Variants in PHEX observed in about 807,000 individuals in gnomAD.
PHEX encodes phosphate-regulating neutral endopeptidase PHEX.
A neutral mutation model predicts 68.0 loss-of-function variants in PHEX; 16 were observed. The ratio of observed to expected loss-of-function variants is 0.24; its 90% confidence interval spans 0.16 to 0.36. The LOEUF (loss-of-function observed/expected upper bound fraction) is 0.36. PHEX is among the 10% of genes least tolerant of loss of function. The probability of loss-of-function intolerance (pLI) is 1.00; values close to 1 mark genes in which losing one functional copy is unlikely to be tolerated. For synonymous variants in PHEX, 208 were observed against 205.1 expected, an observed-to-expected ratio of 1.01 and a Z score of -0.12; for missense variants, 480 against 575.5, an observed-to-expected ratio of 0.83 and a Z score of 1.70.
At chrX:22,052,232 T>C (rs1179497588) in intron 3 of PHEX, among the ~76,000 whole-genome samples, 1 of 112,342 alleles carries the variant, frequency 8.9e-6, no homozygotes, top group Admixed American at 9.5e-5. Context: ...TTAATTTATT[T>C]ACTTATTTAT....
At chrX:22,174,415 C>A (rs1432320619) in intron 13 of PHEX, among the ~76,000 whole-genome samples, 1 of 111,963 alleles carries the variant, frequency 8.9e-6, no homozygotes, top group Non-Finnish European at 1.9e-5. Flanking sequence ...TTCTTTTTCT[C>A]ATCCAAGGGC....
At chrX:22,111,744 A>G (rs1930981211) in intron 10 of PHEX, among the ~76,000 whole-genome samples, 184 bp downstream of exon 10, 1 of 111,963 alleles carries the variant, frequency 8.9e-6, no homozygotes, top group African/African-American at 3.2e-5. Flanking sequence ...TATAAATTAC[A>G]TATGGTAAGG....
In PHEX at chrX:22,210,526, C is replaced by A. The variant is rs57429688; in HGVS notation, c.1646-2378C>A. Among the ~76,000 whole-genome samples the A allele has an allele frequency of 9.1e-3, 1,011 of 111,514 alleles. 48 individuals carry two copies. The East Asian group carries it at 0.2, about 22-fold the overall frequency. On this transcript the variant is annotated intron_variant, in intron 15 of 21. Coordinates refer to ENST00000379374, the MANE Select transcript of PHEX (RefSeq NM_000444.6). ...CTTTTTGATGATTTATTATGTGAAA[C>A]TGAGTTTTCATATAAACACTGTGAT...
Position 22,071,926 on chromosome X carries a change from C to T in PHEX, c.350-4462C>T, listed in dbSNP as rs184027852. 4.2e-3 allele frequency among the ~76,000 whole-genome samples: 433 copies of T among 102,407 alleles called. 8 individuals carry two copies. Among genetic ancestry groups the T allele is most frequent in the Admixed American group, 0.034 (310 of 9,177 alleles). 88.9% of individuals were successfully genotyped at this position (102,407 alleles called of 115,157 possible). On this transcript the variant is annotated intron_variant, in intron 3 of 21. Coordinates refer to ENST00000379374, the MANE Select transcript of PHEX (RefSeq NM_000444.6). ...CAGCCTGACCAACATGGTGAAACCC[C>T]GTCTCTACTAAAAATACAGGCTGGG...
In PHEX at chrX:22,033,029, C is replaced by T. The variant is rs1008897142; in HGVS notation, c.24C>T (p.Ser8=). The T allele has an allele frequency of 8.3e-7, 1 of 1,207,000 alleles. No homozygotes were observed. The highest frequency in any genetic ancestry group is 1.1e-6 in the Non-Finnish European group (1 of 891,937). The part of the protein sequence containing the change: MEAETGS[S]VETGKKANRG... ...TGATGGAAGCAGAAACAGGGAGCAG[C>T]GTGGAGACTGGAAAGAAGGCCAACA... is the stretch of plus-strand genomic sequence containing the variant. Residue 8 remains serine (S), a synonymous_variant, in exon 1 of 22, where the codon AGC becomes AGT. Coordinates refer to ENST00000379374, the MANE Select transcript of PHEX (RefSeq NM_000444.6).
At chrX:22,037,726 G>C (rs1927090530) in intron 1 of PHEX, among the ~76,000 whole-genome samples, 1 of 110,866 alleles carries the variant, frequency 9.0e-6, no homozygotes, top group South Asian at 3.8e-4. Flanking sequence ...GGTGGGCGGA[G>C]AGTTTGTGGG....
chrX:22,215,148 T>C (rs1490985581), intron 16 of PHEX, among the ~76,000 whole-genome samples: 1 of 111,679 alleles, frequency 9.0e-6, no homozygotes, highest in South Asian at 3.7e-4. Flanking sequence ...AATTTGTTTA[T>C]TGGGTCTGTG....
intron 14 of PHEX, among the ~76,000 whole-genome samples, chrX:22,185,058 A>G (rs1933987298): frequency 8.9e-6 from 1 of 111,922 alleles, no homozygotes. Context: ...TAGGTGTACC[A>G]ATGTCTTTTT....
chrX:22,179,795 G>T (rs1381005131), intron 14 of PHEX, among the ~76,000 whole-genome samples: 3 of 111,383 alleles, frequency 2.7e-5, no homozygotes, highest in African/African-American at 9.8e-5. Flanking sequence ...ATTCTTTGAA[G>T]TCATCTATAA....
chrX:22,224,993 G>GATTTA, intron 18 of PHEX, among the ~76,000 whole-genome samples: 65 of 98,970 alleles, frequency 6.6e-4, no homozygotes, highest in East Asian at 9.8e-4. Flanking sequence ...AGCTCTGTAT[G>GATTTA]TCAGAAGTCT....
chrX:22,122,582 CT>C (rs1237454807), intron 11 of PHEX, among the ~76,000 whole-genome samples: 1 of 112,079 alleles, frequency 8.9e-6, no homozygotes, highest in African/African-American at 3.2e-5. Context: ...GCAAGAGTTT[CT>C]GTTGCTTTGG....
At chrX:22,038,944 T>C (rs1306745777) in intron 2 of PHEX, among the ~76,000 whole-genome samples, 1 of 111,727 alleles carries the variant, frequency 9.0e-6, no homozygotes, top group African/African-American at 3.3e-5. Flanking sequence ...CCTTTGCAAA[T>C]AAATCCACGC....
intron 12 of PHEX, among the ~76,000 whole-genome samples, chrX:22,165,899 A>G (rs1933298666): frequency 8.9e-6 from 1 of 111,967 alleles, no homozygotes. Context: ...CAATTATTCA[A>G]CTCTACAACT....
chrX:22,183,315 A>G (rs1372440518), intron 14 of PHEX, among the ~76,000 whole-genome samples: 3 of 110,969 alleles, frequency 2.7e-5, no homozygotes, highest in Non-Finnish European at 3.8e-5. Flanking sequence ...AAACCTTCCT[A>G]TAATATGCAC....
chrX:22,210,664 A>C (rs1214515011), intron 15 of PHEX, among the ~76,000 whole-genome samples: 1 of 111,396 alleles, frequency 9.0e-6, no homozygotes, highest in Non-Finnish European at 1.9e-5. Context: ...ATATGCCACA[A>C]ATATTTAAGG....
intron 20 of PHEX, among the ~76,000 whole-genome samples, chrX:22,230,767 A>C (rs756215271): frequency 9.0e-6 from 1 of 111,310 alleles, no homozygotes; most frequent in African/African-American, 3.3e-5. Flanking sequence ...AATACCCTTT[A>C]TTTCTTTCTC....
chrX:22,066,843 C>T (rs929354921), intron 3 of PHEX, among the ~76,000 whole-genome samples: 9 of 111,631 alleles, frequency 8.1e-5, no homozygotes, highest in Non-Finnish European at 1.7e-4. Context: ...ATGTCACTTT[C>T]ATAGACGAGG....
chrX:22,171,906 C>A (rs1933546561), intron 13 of PHEX: 1 of 111,779 alleles, frequency 8.9e-6, no homozygotes, highest in African/African-American at 3.3e-5. Flanking sequence ...AGATATGATT[C>A]ATCAGGCACA....
chrX:22,092,241 T>C (rs992830295), intron 6 of PHEX, among the ~76,000 whole-genome samples: 4 of 111,993 alleles, frequency 3.6e-5, no homozygotes, highest in Non-Finnish European at 3.8e-5. Context: ...CATAATTACA[T>C]GTTTATCTCC....
Sources: allele counts gnomAD v4.1 joint callset (sites outside exome capture counted in the v4.1 genomes callset), GRCh38; gene constraint gnomAD v4.1.1; transcripts MANE v1.5; gene names NCBI Gene and HGNC (gene_info 2026-07-23, HGNC 2026-07-21).